KATNIP: variants seen among roughly 807,000 people sequenced by gnomAD.
The protein encoded by KATNIP is katanin-interacting protein.
KATNIP carries 126 observed loss-of-function variants against 174.0 expected under a neutral mutation model. The ratio of observed to expected loss-of-function variants is 0.72; its 90% CI spans 0.63 to 0.84. The LOEUF is 0.84. Among genes scored for constraint, KATNIP ranks in the 40% least tolerant of loss-of-function variants. The pLI is 0.00. For synonymous variants in KATNIP, 810 were observed against 835.7 expected (o/e 0.97, Z 0.53); for missense variants, 1,958 against 2,109.7 (o/e 0.93, Z 1.41).
chr16:27,662,037 TATATACACATAC>T lies in KATNIP; in HGVS notation c.540+13308_540+13319del, dbSNP rs1456420408. 7.4e-5 allele frequency among the ~76,000 whole-genome samples: 3 copies of T among 40,508 alleles called. 1 individual carries two copies. The highest frequency in any genetic ancestry group is 1.5e-4 in the African/African-American group (1 of 6,854). 26.6% of individuals were successfully genotyped at this position (40,508 alleles called of 152,430 possible). A position where few individuals can be genotyped will look rare whatever the true frequency, so the allele number is the denominator to read the frequency against. The stretch of plus-strand genomic sequence containing the variant: ...ATATACACATACATATATATATATA[TATATACACATAC>T]ATATATATATATATATATATATACA... On this transcript the variant is annotated intron_variant, in intron 6 of 27. Transcript: ENST00000261588.
intron 19 of KATNIP, among the ~76,000 whole-genome samples, chr16:27,762,144 C>A (rs954155906): frequency 1.3e-5 from 2 of 152,266 alleles, no homozygotes; most frequent in South Asian, 4.1e-4. Context: ...ACCTGCAGCC[C>A]ACAGACCAGC....
Position 27,775,458 on chromosome 16 carries a change from G to A in KATNIP, c.4449+374G>A, listed in dbSNP as rs185131981. Among the ~76,000 whole-genome samples the A allele has an allele frequency of 3.2e-3, 487 of 152,248 alleles. 4 individuals carry two copies. The highest frequency in any genetic ancestry group is 0.011 in the African/African-American group (472 of 41,560). On this transcript the variant is annotated intron_variant, in intron 24 of 27. Coordinates refer to ENST00000261588, the MANE Select transcript of KATNIP (RefSeq NM_015202.5). ...CCTCTTCCTCCCCACCCAGCTCTCC[G>A]CACACTCACGGTTTCTGCCCCTTCC...
chr16:27,740,949 G>C (rs1567379308), intron 15 of KATNIP, 29 bp downstream of exon 15: 1 of 1,557,824 alleles, frequency 6.4e-7, no homozygotes, highest in East Asian at 2.3e-5. Context: ...CCCGACTTGG[G>C]CATCATCATC....
chr16:27,596,318 GAA>G (rs1282384704), intron 2 of KATNIP, among the ~76,000 whole-genome samples: 1 of 151,630 alleles, frequency 6.6e-6, no homozygotes. Context: ...GGGAGAGAGA[GAA>G]AAAAAACAAG....
At chr16:27,772,392 G>C (rs1163785013) in intron 22 of KATNIP, among the ~76,000 whole-genome samples, 2 of 152,256 alleles carry the variant, frequency 1.3e-5, no homozygotes, top group Non-Finnish European at 2.9e-5. Context: ...AGGCAGCCTG[G>C]CTCTAAGGCC....
intron 8 of KATNIP, among the ~76,000 whole-genome samples, chr16:27,688,335 G>A (rs1023824138): frequency 2.0e-5 from 3 of 152,188 alleles, no homozygotes; most frequent in African/African-American, 7.2e-5. Flanking sequence ...ACTCACACCT[G>A]TAATCCCAGC....
At chr16:27,761,855 T>C (rs1485387270) in intron 19 of KATNIP, among the ~76,000 whole-genome samples, 1 of 152,196 alleles carries the variant, frequency 6.6e-6, no homozygotes, top group East Asian at 1.9e-4. Flanking sequence ...GACACAGCCA[T>C]GGTCTGCATT....
chr16:27,699,608 T>C lies in KATNIP; in HGVS notation c.1179+9T>C, dbSNP rs1192814771. On this transcript the variant is annotated intron_variant, in intron 10 of 27. Transcript: ENST00000261588. ...AGGAAGAGACCCTTGAGGTCAGTGC[T>C]AGGCAGAGATGAATGACAAAGCCCC... 2 of 1,613,882 alleles carry C rather than the reference T, an allele frequency of 1.2e-6. No homozygotes were observed. The highest frequency in any genetic ancestry group is 2.7e-5 in the African/African-American group (2 of 74,924).
chr16:27,632,472 C>T (rs1323769635), intron 5 of KATNIP: 2 of 393,766 alleles, frequency 5.1e-6, no homozygotes, highest in Non-Finnish European at 1.1e-5. Context: ...CCATGGATCC[C>T]ATCGTCAAAA....
intron 2 of KATNIP, among the ~76,000 whole-genome samples, chr16:27,606,888 A>G (rs1407660703): frequency 6.6e-6 from 1 of 152,058 alleles, no homozygotes; most frequent in African/African-American, 2.4e-5. Flanking sequence ...TTTTCCATGG[A>G]ACATTTAAGG....
intron 1 of KATNIP, among the ~76,000 whole-genome samples, chr16:27,551,078 TGTG>T (rs1049037918): frequency 6.6e-6 from 1 of 152,228 alleles, no homozygotes; most frequent in African/African-American, 2.4e-5. Context: ...AGAGACAGCT[TGTG>T]GGCCCCCATT....
intron 2 of KATNIP, among the ~76,000 whole-genome samples, chr16:27,594,832 A>G (rs2075288738): frequency 6.6e-6 from 1 of 152,236 alleles, no homozygotes; most frequent in East Asian, 1.9e-4. Context: ...AGAGATAATC[A>G]TAATAGCCAG....
chr16:27,596,871 A>T (rs1880457394), intron 2 of KATNIP, among the ~76,000 whole-genome samples: 1 of 152,196 alleles, frequency 6.6e-6, no homozygotes, highest in African/African-American at 2.4e-5. Flanking sequence ...AAAAATACAA[A>T]AATTGGCTGG....
intron 3 of KATNIP, among the ~76,000 whole-genome samples, chr16:27,628,165 C>T (rs2076386357): frequency 6.6e-6 from 1 of 152,200 alleles, no homozygotes; most frequent in Admixed American, 6.5e-5. Flanking sequence ...CGTTAGCCCA[C>T]CTGGTCTGAC....
intron 2 of KATNIP, among the ~76,000 whole-genome samples, chr16:27,590,512 C>A (rs990852385): frequency 6.6e-6 from 1 of 152,084 alleles, no homozygotes; most frequent in Admixed American, 6.6e-5. Context: ...CCAATACTTA[C>A]GGGCAGAGGG....
In KATNIP at chr16:27,740,361, G is replaced by A. The variant is rs777898869; in HGVS notation, c.2064G>A (p.Arg688=). ...AAAGAAAGAATTCTACTAATTGCAG[G>A]AAAGACAGTTTGTCCCAGTTAGAGG... ...SGKRKNSTNC[R]KDSLSQLEEY... Residue 688 remains arginine (R), a synonymous_variant, in exon 15 of 28, where the codon AGG becomes AGA. Coordinates refer to ENST00000261588, the MANE Select transcript of KATNIP (RefSeq NM_015202.5). 6.2e-7 allele frequency: 1 copy of A among 1,614,158 alleles called. No individual in the cohort carries two copies. Among genetic ancestry groups the A allele is most frequent in the Non-Finnish European group, 8.5e-7 (1 of 1,179,980 alleles).
intron 22 of KATNIP, 37 bp downstream of exon 22, chr16:27,771,689 G>A (rs751149209): frequency 1.2e-6 from 2 of 1,606,834 alleles, no homozygotes; most frequent in South Asian, 2.2e-5. Flanking sequence ...CACATTCTGG[G>A]CCCCGAGGCA....
chr16:27,569,317 G>A (rs2090203071), intron 1 of KATNIP, among the ~76,000 whole-genome samples: 1 of 152,216 alleles, frequency 6.6e-6, no homozygotes, highest in Non-Finnish European at 1.5e-5. Flanking sequence ...CATTGAAAAC[G>A]AATCCTATGT....
chr16:27,664,967 G>GCTATATTT (rs1000663775), intron 6 of KATNIP, among the ~76,000 whole-genome samples: 2 of 152,128 alleles, frequency 1.3e-5, no homozygotes, highest in African/African-American at 4.8e-5. Flanking sequence ...CCTGTCCCCG[G>GCTATATTT]CTATATTAAG....
Sources: allele counts gnomAD v4.1 joint callset (sites outside exome capture counted in the v4.1 genomes callset), GRCh38; gene constraint gnomAD v4.1.1; transcripts MANE v1.5; gene names NCBI Gene and HGNC (gene_info 2026-07-23, HGNC 2026-07-21).